Variants in BMPR1B observed in about 807,000 individuals in gnomAD.
The protein encoded by BMPR1B is bone morphogenetic protein receptor type 1B.
Under a neutral mutation model 59.1 loss-of-function variants are expected in BMPR1B, and 12 were observed. That is an observed-to-expected ratio of 0.20 (90% CI 0.13 to 0.33). The LOEUF is 0.33. BMPR1B is among the 10% of genes least tolerant of loss of function. The pLI, the probability that BMPR1B is intolerant of heterozygous loss-of-function variation, is 1.00. For synonymous variants in BMPR1B, 237 were observed against 207.3 expected (o/e 1.14, Z -1.23); for missense variants, 550 against 610.9 (o/e 0.90, Z 1.05).
At chr4:95,138,780 A>G (rs907973337) in intron 10 of BMPR1B, among the ~76,000 whole-genome samples, 3 of 152,088 alleles carry the variant, frequency 2.0e-5, no homozygotes, top group Non-Finnish European at 4.4e-5. Flanking sequence ...GATCTTCTCC[A>G]TGCTGTTTAT....
intron 2 of BMPR1B, among the ~76,000 whole-genome samples, chr4:94,962,515 C>A (rs1176174977): frequency 2.0e-5 from 3 of 152,100 alleles, no homozygotes; most frequent in African/African-American, 7.2e-5. Flanking sequence ...TAACCATCAT[C>A]CTGCTCTGTA....
At chr4:94,875,584 T>C (rs1015770404) in intron 1 of BMPR1B, among the ~76,000 whole-genome samples, 3 of 152,068 alleles carry the variant, frequency 2.0e-5, no homozygotes, top group Admixed American at 6.6e-5. Context: ...CTTGGGAGGC[T>C]GAGGCAGGAG....
intron 2 of BMPR1B, among the ~76,000 whole-genome samples, chr4:94,876,473 T>C (rs958054760): frequency 6.6e-6 from 1 of 152,224 alleles, no homozygotes; most frequent in Non-Finnish European, 1.5e-5. Flanking sequence ...ATTTTTATAG[T>C]GTGCTACAGT....
intron 1 of BMPR1B, among the ~76,000 whole-genome samples, chr4:94,759,979 A>G (rs1027493790): frequency 1.3e-5 from 2 of 152,188 alleles, no homozygotes; most frequent in African/African-American, 4.8e-5. Context: ...ACAAAACTTG[A>G]TACAGTGTGT....
intron 3 of BMPR1B, among the ~76,000 whole-genome samples, chr4:95,000,839 A>G (rs923004213): frequency 6.6e-6 from 1 of 152,336 alleles, no homozygotes; most frequent in African/African-American, 2.4e-5. Flanking sequence ...AGAACAATCA[A>G]GTCTTATTTT....
intron 1 of BMPR1B, among the ~76,000 whole-genome samples, chr4:94,815,646 A>G (rs1053955006): frequency 1.9e-4 from 29 of 152,224 alleles, no homozygotes; most frequent in Admixed American, 7.2e-4. Context: ...TTCAGATTCC[A>G]GAATCACACG....
chr4:94,816,195 G>C (rs1369236555), intron 1 of BMPR1B, among the ~76,000 whole-genome samples: 1 of 152,154 alleles, frequency 6.6e-6, no homozygotes, highest in South Asian at 2.1e-4. Flanking sequence ...CAACTAGGCT[G>C]GAGTGCAGTG....
At position 95,103,046 on chromosome 4, in the gene BMPR1B, A is replaced by G. The variant is rs140711112; in HGVS notation, c.-17-1362A>G. Among the ~76,000 whole-genome samples, 372 of 152,178 alleles carry G rather than the reference A, an allele frequency of 2.4e-3. 1 individual carries two copies. Among genetic ancestry groups the G allele is most frequent in the Non-Finnish European group, 4.3e-3 (293 of 68,002 alleles). ...TTTTTCTGGACAAAATTTACAGGAA[A>G]CTGTTTGAGAAAGTTAGATGCACAT... On this transcript the variant is annotated intron_variant, in intron 3 of 12. Transcript: ENST00000515059.
At position 94,866,196 on chromosome 4, in the gene BMPR1B, A is replaced by G. The variant is rs114013247; in HGVS notation, c.-182-9635A>G. ...GAGTTATGTCACCATCCATCTTCTCAAGCTCTCTCCATCAATATATTCCAA... is the reference window on the plus strand; with the variant it reads ...GAGTTATGTCACCATCCATCTTCTCGAGCTCTCTCCATCAATATATTCCAA... On this transcript the variant is annotated intron_variant, in intron 1 of 12. Transcript: ENST00000515059. Among the ~76,000 whole-genome samples, 1,372 of 152,228 alleles carry G rather than the reference A, an allele frequency of 9.0e-3. 20 individuals are homozygous for G. Among genetic ancestry groups the G allele is most frequent in the African/African-American group, 0.031 (1,282 of 41,524 alleles).
intron 1 of BMPR1B, among the ~76,000 whole-genome samples, chr4:94,837,357 G>A (rs1724866273): frequency 6.8e-6 from 1 of 146,492 alleles, no homozygotes; most frequent in African/African-American, 2.5e-5. Context: ...GGGCAGTATG[G>A]CCATTTTCAC....
chr4:95,130,723 C>CTTTTTTTTTTTTTTTTT (rs148720302), intron 9 of BMPR1B, among the ~76,000 whole-genome samples: 49 of 77,940 alleles, frequency 6.3e-4, no homozygotes, highest in Non-Finnish European at 8.1e-4. Context: ...CTTTTCTTTT[C>CTTTTTTTTTTTTTTTTT]TTTTTTTTTT....
chr4:95,114,572 C>T, intron 4 of BMPR1B, 148 bp from the exon 5 acceptor site: 2 of 777,190 alleles, frequency 2.6e-6, no homozygotes, highest in South Asian at 1.4e-5. Flanking sequence ...TTTGGATTCT[C>T]TTAACAGATC....
intron 2 of BMPR1B, among the ~76,000 whole-genome samples, chr4:94,977,270 G>A (rs116470446): frequency 6.6e-6 from 1 of 152,206 alleles, no homozygotes; most frequent in African/African-American, 2.4e-5. Flanking sequence ...GAAGGCTTTT[G>A]TCTGTCTTAA....
intron 8 of BMPR1B, among the ~76,000 whole-genome samples, chr4:95,128,432 G>T (rs1305442512): frequency 6.6e-6 from 1 of 152,184 alleles, no homozygotes. Context: ...TATATAAATT[G>T]TAATAGATGC....
In BMPR1B at chr4:95,131,372, A is replaced by G; in HGVS notation, c.936A>G (p.Leu312=). The change falls in exon 10 of 13, where the codon TTA becomes TTG. Residue 312 remains leucine (L), a synonymous_variant. Transcript: ENST00000515059. The part of the protein sequence containing the change: ...LKLAYSSVSG[L]CHLHTEIFST... ...TAGCCTACTCTTCTGTCAGTGGCTT[A>G]TGTCATTTACACACAGAAATCTTTA... 1.2e-6 allele frequency: 2 copies of G among 1,614,072 alleles called. No homozygotes were observed. The highest frequency in any genetic ancestry group is 1.7e-6 in the Non-Finnish European group (2 of 1,180,012).
intron 6 of BMPR1B, among the ~76,000 whole-genome samples, chr4:95,117,146 A>C (rs1284246575): frequency 6.6e-6 from 1 of 152,166 alleles, no homozygotes; most frequent in Non-Finnish European, 1.5e-5. Context: ...GATGAAGAGG[A>C]GTGTGCTAAG....
intron 2 of BMPR1B, among the ~76,000 whole-genome samples, chr4:94,937,719 GACACAC>G (rs70946570): frequency 7.5e-5 from 11 of 147,624 alleles, no homozygotes; most frequent in African/African-American, 2.7e-4. Flanking sequence ...CACACACACA[GACACAC>G]ACACACACAC....
At chr4:95,138,152 TCTTTCA>T (rs1328771584) in intron 10 of BMPR1B, among the ~76,000 whole-genome samples, 3 of 152,172 alleles carry the variant, frequency 2.0e-5, no homozygotes, top group Non-Finnish European at 2.9e-5. Flanking sequence ...ATTTTATTTC[TCTTTCA>T]CTTATGAAGC....
intron 2 of BMPR1B, among the ~76,000 whole-genome samples, chr4:94,916,239 CT>C (rs1163960259): frequency 5.9e-5 from 9 of 152,228 alleles, no homozygotes; most frequent in Admixed American, 5.9e-4. Context: ...AGCTTTGGAA[CT>C]GGGTAAGGGG....
Sources: allele counts gnomAD v4.1 joint callset (sites outside exome capture counted in the v4.1 genomes callset), GRCh38; gene constraint gnomAD v4.1.1; transcripts MANE v1.5; gene names NCBI Gene and HGNC (gene_info 2026-07-23, HGNC 2026-07-21).